The following ZNF143 variants were observed in gnomAD, a reference collection of about 807,000 sequenced individuals.
ZNF143 encodes SPH-binding factor.
ZNF143 carries 49 observed loss-of-function variants against 74.1 expected under a neutral mutation model. That is an observed-to-expected ratio of 0.66 (90% CI 0.53 to 0.84). The LOEUF (loss-of-function observed/expected upper bound fraction) is 0.84, where lower values mean the gene tolerates loss of function less well. ZNF143 is among the 40% of genes least tolerant of loss of function. ZNF143 has a pLI of 0.00. For missense variants in ZNF143, 637 were observed against 793.4 expected, an observed-to-expected ratio of 0.80 and a Z score of 2.37; for synonymous variants, 304 against 282.8, an observed-to-expected ratio of 1.07 and a Z score of -0.75.
At chr11:9,480,112 C>T (rs1213454299) in intron 7 of ZNF143, among the ~76,000 whole-genome samples, 3 of 152,194 alleles carry the variant, frequency 2.0e-5, no homozygotes, top group Admixed American at 2.0e-4. Flanking sequence ...AATGTTCACC[C>T]TGGGTCCAGT....
chr11:9,521,214 G>A (rs1848914284), intron 14 of ZNF143, among the ~76,000 whole-genome samples: 1 of 152,112 alleles, frequency 6.6e-6, no homozygotes, highest in Non-Finnish European at 1.5e-5. Context: ...CTATGGGTTT[G>A]GACAAACGTA....
rs140699457 is a variant in ZNF143, at chr11:9,501,133, C to T, written c.1010C>T (p.Ser337Phe). Residue 337 changes from serine to phenylalanine, a missense_variant, in exon 11 of 16, where the codon TCC becomes TTC. Ser to Phe is a radical substitution (Grantham distance 155). Coordinates refer to ENST00000396602, the MANE Select transcript of ZNF143 (RefSeq NM_003442.6). The part of the protein sequence containing the change: ...FKCPFEGCGR[S>F]FTTSNIRKVH... Reference sequence around the variant, plus strand: ...TGTCCCTTCGAAGGCTGCGGTCGGTCCTTTACAACATCAAATATCAGAAAA... The same window carrying T: ...TGTCCCTTCGAAGGCTGCGGTCGGTTCTTTACAACATCAAATATCAGAAAA... The T allele has an allele frequency of 5.0e-5, 81 of 1,614,002 alleles. No individual in the cohort carries two copies. Among genetic ancestry groups the T allele is most frequent in the Non-Finnish European group, 6.4e-5 (75 of 1,180,036 alleles).
chr11:9,483,979 A>C lies in ZNF143; in HGVS notation c.645+4433A>C, dbSNP rs898396310. Among the ~76,000 whole-genome samples, 58 of 149,868 alleles carry C rather than the reference A, an allele frequency of 3.9e-4. 2 individuals carry two copies. Among genetic ancestry groups the C allele is most frequent in the African/African-American group, 1.3e-3 (53 of 40,190 alleles). On this transcript the variant is annotated intron_variant, in intron 7 of 15. Coordinates refer to ENST00000396602, the MANE Select transcript of ZNF143 (RefSeq NM_003442.6). ...TGGCTAGGATGGTCTGAATCTCTTGACCTCGTGATCCGCCCGCCTCAGCCT... is the reference window on the plus strand; with the variant it reads ...TGGCTAGGATGGTCTGAATCTCTTGCCCTCGTGATCCGCCCGCCTCAGCCT...
In ZNF143 at chr11:9,486,411, TAA is replaced by T. The variant is rs1491138300; in HGVS notation, c.645+6866_645+6867del. Among the ~76,000 whole-genome samples, 2 of 24,046 alleles carry T rather than the reference TAA, an allele frequency of 8.3e-5. 1 individual carries two copies. Among genetic ancestry groups the T allele is most frequent in the Non-Finnish European group, 1.4e-4 (2 of 14,376 alleles). 15.8% of individuals were successfully genotyped at this position (24,046 alleles called of 152,430 possible). Reference sequence around the variant, plus strand: ...TAATATATATAATATATTATATATATAATATATATTATATATATTATATATAT... The same window carrying T: ...TAATATATATAATATATTATATATATTATATATTATATATATTATATATAT... On this transcript the variant is annotated intron_variant, in intron 7 of 15. Transcript: ENST00000396602.
chr11:9,469,765 C>T (rs1326210571), intron 1 of ZNF143, among the ~76,000 whole-genome samples: 1 of 149,246 alleles, frequency 6.7e-6, no homozygotes, highest in South Asian at 2.1e-4. Flanking sequence ...CCAGGCTGGT[C>T]TCGAACTCCT....
At chr11:9,472,551 C>G (rs1037955802) in intron 2 of ZNF143, 126 bp from the exon 3 acceptor site, 9 of 807,532 alleles carry the variant, frequency 1.1e-5, no homozygotes, top group Non-Finnish European at 1.8e-5. Flanking sequence ...TGCACCCGGC[C>G]GCTAAATCTC....
At chr11:9,512,303 G>T in intron 12 of ZNF143, 145 bp from the exon 13 acceptor site, 1 of 956,318 alleles carries the variant, frequency 1.0e-6, no homozygotes, top group Non-Finnish European at 1.5e-6. Flanking sequence ...GGAATTGGAA[G>T]GAGGTCCTGG....
intron 14 of ZNF143, among the ~76,000 whole-genome samples, chr11:9,524,985 A>G (rs1439310880): frequency 6.6e-6 from 1 of 152,184 alleles, no homozygotes; most frequent in Non-Finnish European, 1.5e-5. Flanking sequence ...CTCCCTGGCT[A>G]ATGGGGCCTG....
chr11:9,517,320 G>T (rs1848759306), intron 14 of ZNF143, among the ~76,000 whole-genome samples: 1 of 151,026 alleles, frequency 6.6e-6, no homozygotes, highest in Admixed American at 6.6e-5. Flanking sequence ...TTTTTAAGCT[G>T]CATTGTATTC....
In ZNF143 at chr11:9,479,467, T is replaced by G. The variant is rs1365131800; in HGVS notation, c.571-5T>G. ...ACATTTTAAAGCTTTATTTTATTCC[T>G]ATAGGTGTCCATTGATGGAAGTGAA... On this transcript the variant is annotated splice_region_variant and splice_polypyrimidine_tract_variant and intron_variant, in intron 6 of 15. Coordinates refer to ENST00000396602, the MANE Select transcript of ZNF143 (RefSeq NM_003442.6). The G allele has an allele frequency of 6.2e-7, 1 of 1,611,110 alleles. No individual in the cohort carries two copies. Among genetic ancestry groups the G allele is most frequent in the East Asian group, 2.2e-5 (1 of 44,804 alleles).
At chr11:9,486,363 T>TATATATAATATATATATAA (rs1491555379) in intron 7 of ZNF143, among the ~76,000 whole-genome samples, 4 of 41,248 alleles carry the variant, frequency 9.7e-5, no homozygotes, top group Non-Finnish European at 4.4e-5. Context: ...TATATATATA[T>TATATATAATATATATATAA]TATATATAAT....
chr11:9,474,163 C>A, intron 4 of ZNF143, 139 bp downstream of exon 4: 1 of 706,920 alleles, frequency 1.4e-6, no homozygotes, highest in Non-Finnish European at 2.5e-6. Context: ...ATAGATGCCA[C>A]AGAGTGGATC....
chr11:9,504,104 A>C (rs1848268034), intron 11 of ZNF143, among the ~76,000 whole-genome samples: 1 of 141,574 alleles, frequency 7.1e-6, no homozygotes, highest in Non-Finnish European at 1.5e-5. Context: ...GGGATTACAG[A>C]CACCTGCCAC....
rs532897042 is a variant in ZNF143, at chr11:9,497,310, A to C, written c.842-365A>C. Among the ~76,000 whole-genome samples the C allele has an allele frequency of 1.6e-3, 251 of 152,208 alleles. 4 individuals are homozygous for C. The highest frequency in any genetic ancestry group is 3.5e-4 in the Non-Finnish European group (24 of 68,024). ...CAGTGACGTGATCTCGGCTCCCTGC[A>C]ACCTCTGCTTCAGGGTTCAAGCGAT... On this transcript the variant is annotated intron_variant, in intron 9 of 15. Coordinates refer to ENST00000396602, the MANE Select transcript of ZNF143 (RefSeq NM_003442.6).
intron 1 of ZNF143, among the ~76,000 whole-genome samples, chr11:9,464,188 G>A (rs1856050387): frequency 6.6e-6 from 1 of 152,014 alleles, no homozygotes; most frequent in Non-Finnish European, 1.5e-5. Flanking sequence ...CTGGAGTGCA[G>A]TGGCATGATC....
intron 7 of ZNF143, among the ~76,000 whole-genome samples, chr11:9,481,090 A>G (rs1565033410): frequency 6.6e-6 from 1 of 152,016 alleles, no homozygotes; most frequent in Non-Finnish European, 1.5e-5. Flanking sequence ...TATTTTGTGA[A>G]TGAAATGAGA....
At chr11:9,484,800 A>ATTTTTTTTTTTT (rs1381085964) in intron 7 of ZNF143, among the ~76,000 whole-genome samples, 16,041 of 66,386 alleles carry the variant, frequency 0.24, 4,663 homozygotes, top group East Asian at 0.54. Flanking sequence ...CTGGCCAAAG[A>ATTTTTTTTTTTT]TTTTTTTTTT....
At chr11:9,509,309 G>A (rs1013310572) in intron 12 of ZNF143, among the ~76,000 whole-genome samples, 1 of 152,236 alleles carries the variant, frequency 6.6e-6, no homozygotes, top group Non-Finnish European at 1.5e-5. Flanking sequence ...CAGCCAGCCT[G>A]TTTGGGTCCA....
chr11:9,524,045 C>CAAAAAAA (rs533664056), intron 14 of ZNF143, among the ~76,000 whole-genome samples: 1 of 86,762 alleles, frequency 1.2e-5, no homozygotes, highest in East Asian at 2.9e-4. Flanking sequence ...GAGACTACCT[C>CAAAAAAA]AAAAAAAAAA....
Sources: allele counts gnomAD v4.1 joint callset (sites outside exome capture counted in the v4.1 genomes callset), GRCh38; gene constraint gnomAD v4.1.1; transcripts MANE v1.5; gene names NCBI Gene and HGNC (gene_info 2026-07-23, HGNC 2026-07-21).